The following ARHGAP8 variants were observed in gnomAD, a reference collection of about 807,000 sequenced individuals.
ARHGAP8 encodes rho GTPase-activating protein 8.
In ARHGAP8, 62 loss-of-function variants were observed where a neutral mutation model predicts 46.1. The observed-to-expected ratio is 1.34, with a 90% CI of 1.10 to 1.66. The LOEUF is 1.66. ARHGAP8 is among the 40% of genes most tolerant of loss of function. ARHGAP8 has a pLI of 0.00. For missense variants in ARHGAP8, 923 were observed against 568.4 expected (o/e 1.62, Z -6.34); for synonymous variants, 375 against 243.1 (o/e 1.54, Z -5.05).
At chr22:44,780,096 G>T (rs1316625864) in intron 1 of ARHGAP8, among the ~76,000 whole-genome samples, 1 of 152,180 alleles carries the variant, frequency 6.6e-6, no homozygotes, top group Non-Finnish European at 1.5e-5. Context: ...GCTAATGTAT[G>T]TTCTCCCTCC....
chr22:44,762,859 G>A (rs73418296), intron 1 of ARHGAP8, among the ~76,000 whole-genome samples: 8,211 of 152,146 alleles, frequency 0.054, 760 homozygotes, highest in African/African-American at 0.19. Context: ...GAGCTCTCTT[G>A]ACCGTACCTG....
intron 5 of ARHGAP8, among the ~76,000 whole-genome samples, chr22:44,821,273 T>C (rs922564499): frequency 1.3e-5 from 2 of 151,878 alleles, no homozygotes; most frequent in African/African-American, 4.8e-5. Context: ...CTACTAAAAA[T>C]ACAAAAATTA....
intron 7 of ARHGAP8, among the ~76,000 whole-genome samples, chr22:44,835,635 T>A (rs1234705262): frequency 6.6e-6 from 1 of 152,078 alleles, no homozygotes; most frequent in Non-Finnish European, 1.5e-5. Context: ...AAAGAAGGAT[T>A]GGGGACTTGC....
At chr22:44,797,139 C>T (rs562320750) in intron 2 of ARHGAP8, among the ~76,000 whole-genome samples, 5 of 151,954 alleles carry the variant, frequency 3.3e-5, no homozygotes, top group African/African-American at 4.8e-5. Flanking sequence ...TTGAGCTGAT[C>T]TTCCATTGGT....
At chr22:44,794,400 T>TTC (rs369162985) in intron 2 of ARHGAP8, among the ~76,000 whole-genome samples, 5 of 152,074 alleles carry the variant, frequency 3.3e-5, no homozygotes, top group East Asian at 1.9e-4. Flanking sequence ...TTTGCTTTTT[T>TTC]TCTCTCTCTC....
At chr22:44,852,128 G>T (rs1164240244) in intron 10 of ARHGAP8, among the ~76,000 whole-genome samples, 1 of 145,924 alleles carries the variant, frequency 6.9e-6, no homozygotes, top group African/African-American at 2.5e-5. Flanking sequence ...GGAGGCAGAG[G>T]TTGTAGTGAG....
chr22:44,777,150 ATTC>A (rs1297655591), intron 1 of ARHGAP8: 3 of 152,090 alleles, frequency 2.0e-5, no homozygotes, highest in African/African-American at 7.2e-5. Flanking sequence ...ACACTCTGCT[ATTC>A]TTCAACAGGC....
At chr22:44,861,543 C>T (rs549072989) in intron 11 of ARHGAP8, among the ~76,000 whole-genome samples, 1 of 152,306 alleles carries the variant, frequency 6.6e-6, no homozygotes, top group African/African-American at 2.4e-5. Flanking sequence ...GTGCCTGGCC[C>T]TGCCTCCCTC....
chr22:44,833,770 A>C (rs568448851), intron 7 of ARHGAP8, among the ~76,000 whole-genome samples: 2 of 152,292 alleles, frequency 1.3e-5, no homozygotes, highest in East Asian at 3.9e-4. Context: ...TTCACCACTG[A>C]AGCCATCTGA....
chr22:44,767,220 C>G (rs1458964878), intron 1 of ARHGAP8, among the ~76,000 whole-genome samples: 2 of 152,160 alleles, frequency 1.3e-5, no homozygotes, highest in Non-Finnish European at 2.9e-5. Context: ...TGCTCCCTCC[C>G]TCCTTCCCGC....
chr22:44,800,372 C>G (rs370324141), intron 2 of ARHGAP8, among the ~76,000 whole-genome samples: 3 of 150,622 alleles, frequency 2.0e-5, no homozygotes, highest in Non-Finnish European at 4.4e-5. Flanking sequence ...TCCCAAAGTA[C>G]TGGGATTACA....
chr22:44,825,196 T>G (rs1451576322), intron 6 of ARHGAP8, among the ~76,000 whole-genome samples: 3 of 152,108 alleles, frequency 2.0e-5, no homozygotes, highest in African/African-American at 7.2e-5. Flanking sequence ...ACCTTGGGGC[T>G]GACCGCATGG....
chr22:44,794,625 G>A (rs1040368800), intron 2 of ARHGAP8, among the ~76,000 whole-genome samples: 6 of 152,260 alleles, frequency 3.9e-5, no homozygotes, highest in Non-Finnish European at 7.3e-5. Context: ...CAGAAGAATT[G>A]CTTGAACCCA....
At chr22:44,802,565 CTG>C (rs1928633498) in intron 3 of ARHGAP8, among the ~76,000 whole-genome samples, 2 of 152,196 alleles carry the variant, frequency 1.3e-5, no homozygotes, top group Non-Finnish European at 2.9e-5. Context: ...ACCTTCAGAG[CTG>C]TGTGAGTTTC....
At chr22:44,774,134 C>T (rs1009510430) in intron 1 of ARHGAP8, among the ~76,000 whole-genome samples, 9 of 152,176 alleles carry the variant, frequency 5.9e-5, no homozygotes, top group Non-Finnish European at 1.5e-5. Context: ...TCATTCTGCT[C>T]TAGGGTCTTA....
chr22:44,822,300 C>G (rs1930207699), intron 5 of ARHGAP8, 71 bp from the exon 6 acceptor site: 2 of 1,346,320 alleles, frequency 1.5e-6, no homozygotes, highest in African/African-American at 1.5e-5. Context: ...AACTCCCCCT[C>G]CCTCCCTGCA....
intron 10 of ARHGAP8, among the ~76,000 whole-genome samples, chr22:44,858,830 G>A (rs968636618): frequency 1.3e-5 from 2 of 151,156 alleles, no homozygotes; most frequent in Non-Finnish European, 2.9e-5. Context: ...TTGTGGTGCT[G>A]AGAATCCTGA....
Position 44,856,254 on chromosome 22 carries a change from C to CTTTTTTTTTT in ARHGAP8, c.878-3451_878-3442dup, listed in dbSNP as rs557242169. 1.4e-4 allele frequency among the ~76,000 whole-genome samples: 12 copies of CTTTTTTTTTT among 86,878 alleles called. 1 individual carries two copies. The highest frequency in any genetic ancestry group is 4.4e-4 in the African/African-American group (9 of 20,604). 57.0% of individuals were successfully genotyped at this position (86,878 alleles called of 152,430 possible). A position where few individuals can be genotyped will look rare whatever the true frequency, so the allele number is the denominator to read the frequency against. On this transcript the variant is annotated intron_variant, in intron 10 of 11. Transcript: ENST00000356099. ...TACTGTCTGGCCAGCTATAAATTCC[C>CTTTTTTTTTT]TTTTTTTTTTTTTTTTTTTTTTTTT... is the stretch of plus-strand genomic sequence containing the variant.
At chr22:44,758,452 G>A (rs1223052273) in intron 1 of ARHGAP8, among the ~76,000 whole-genome samples, 1 of 152,198 alleles carries the variant, frequency 6.6e-6, no homozygotes, top group Non-Finnish European at 1.5e-5. Context: ...GGCCAAGGCT[G>A]GGTGTATGGG....
Sources: allele counts gnomAD v4.1 joint callset (sites outside exome capture counted in the v4.1 genomes callset), GRCh38; gene constraint gnomAD v4.1.1; transcripts MANE v1.5; gene names NCBI Gene and HGNC (gene_info 2026-07-23, HGNC 2026-07-21).